Variants in GRAMD2A observed in about 807,000 individuals in gnomAD.
The protein encoded by GRAMD2A is GRAM domain containing 2A.
GRAMD2A carries 37 observed loss-of-function variants against 51.1 expected under a neutral mutation model. The ratio of observed to expected loss-of-function variants is 0.72; its 90% CI spans 0.56 to 0.95. The LOEUF (loss-of-function observed/expected upper bound fraction) is 0.95. Ranked by LOEUF, GRAMD2A falls within the 40% of genes least tolerant of loss-of-function variation. The probability of loss-of-function intolerance (pLI) is 0.00; values close to 1 mark genes in which losing one functional copy is unlikely to be tolerated. For synonymous variants in GRAMD2A, 136 were observed against 157.1 expected, an observed-to-expected ratio of 0.87 and a Z score of 1.01; for missense variants, 414 against 426.9, an observed-to-expected ratio of 0.97 and a Z score of 0.27.
At chr15:72,162,473 A>C in intron 10 of GRAMD2A, 96 bp from the exon 11 acceptor site, 1 of 832,422 alleles carries the variant, frequency 1.2e-6, no homozygotes, top group Non-Finnish European at 1.9e-6. Context: ...CTACCCCTGC[A>C]GTTGGAAGAA....
chr15:72,170,314 C>G lies in GRAMD2A; in HGVS notation c.42-375G>C. 1 of 472,596 alleles carries G rather than the reference C, an allele frequency of 2.1e-6. No individual in the cohort carries two copies. Among genetic ancestry groups the G allele is most frequent in the Non-Finnish European group, 4.2e-6 (1 of 238,232 alleles). 29.3% of individuals were successfully genotyped at this position (472,596 alleles called of 1,614,324 possible). ...GGAGGACCCTGAGACTCGCTTATGC[C>G]GAGAACAAAAGTGTCCAAAGTACCC... On this transcript the variant is annotated intron_variant, in intron 1 of 11. Transcript: ENST00000309731. This position sits in a 1 kb window ranked among gnomAD's most constrained non-coding sequence, Gnocchi z 4.5.
intron 8 of GRAMD2A, 95 bp from the exon 9 acceptor site, chr15:72,163,852 T>A: frequency 1.5e-6 from 2 of 1,303,314 alleles, no homozygotes; most frequent in Non-Finnish European, 2.1e-6. Flanking sequence ...TTTCTCCAGA[T>A]ATTACCAAAT....
chr15:72,177,769 C>T (rs1025980125), intron 1 of GRAMD2A, among the ~76,000 whole-genome samples: 3 of 152,144 alleles, frequency 2.0e-5, no homozygotes, highest in African/African-American at 4.8e-5. Flanking sequence ...ACTCTTTCAC[C>T]GAGGTTGGAG....
intron 1 of GRAMD2A, among the ~76,000 whole-genome samples, chr15:72,182,360 C>CT (rs2081702701): frequency 2.0e-5 from 2 of 99,214 alleles, no homozygotes; most frequent in African/African-American, 8.3e-5. Context: ...GTGAGACTGT[C>CT]TCAAAAAAAA....
At chr15:72,165,496 G>C (rs2081533217) in intron 7 of GRAMD2A, 86 bp from the exon 8 acceptor site, 1 of 1,336,472 alleles carries the variant, frequency 7.5e-7, no homozygotes, top group African/African-American at 1.4e-5. Flanking sequence ...CTCCAAGAGA[G>C]CTTTACCTCC....
chr15:72,195,282 A>T (rs576748316), intron 1 of GRAMD2A, among the ~76,000 whole-genome samples: 49 of 152,354 alleles, frequency 3.2e-4, no homozygotes, highest in African/African-American at 1.2e-3. Flanking sequence ...AAGCAGGCCC[A>T]GAAAGCGGAA....
chr15:72,169,677 G>A, intron 2 of GRAMD2A, 170 bp downstream of exon 2: 1 of 699,026 alleles, frequency 1.4e-6, no homozygotes, highest in Non-Finnish European at 2.6e-6. Context: ...AGTGCACTGG[G>A]ACAGTCTTGA....
chr15:72,192,777 A>C (rs908828740), intron 1 of GRAMD2A, among the ~76,000 whole-genome samples: 2 of 152,234 alleles, frequency 1.3e-5, no homozygotes, highest in African/African-American at 4.8e-5. Flanking sequence ...AAAAATTAAC[A>C]ATGTAATTAC....
rs892007428 is a variant in GRAMD2A at position 72,179,485 on chromosome 15, G to A, written c.42-9546C>T. 3.3e-5 allele frequency among the ~76,000 whole-genome samples: 5 copies of A among 152,236 alleles called. No individual in the cohort carries two copies. In the East Asian group the frequency reaches 7.7e-4, roughly 23 times the overall value. On this transcript the variant is annotated intron_variant, in intron 1 of 11. Transcript: ENST00000309731. ...GGTGCCCCCGGAGACTGGCTCTAGAGCGAGGGAAGAGGGGGCAGGAGGCAG... is the reference window on the plus strand; with the variant it reads ...GGTGCCCCCGGAGACTGGCTCTAGAACGAGGGAAGAGGGGGCAGGAGGCAG...
intron 1 of GRAMD2A, among the ~76,000 whole-genome samples, chr15:72,178,626 A>T (rs1266709062): frequency 6.1e-5 from 7 of 115,210 alleles, no homozygotes; most frequent in African/African-American, 2.4e-4. Flanking sequence ...CCCAGGCTGG[A>T]GTGCAGTGGC....
intron 8 of GRAMD2A, among the ~76,000 whole-genome samples, chr15:72,164,362 T>G (rs779023482): frequency 2.0e-5 from 3 of 151,876 alleles, no homozygotes; most frequent in Non-Finnish European, 2.9e-5. Context: ...TAAGTCTGTC[T>G]GGGTTCTTCA....
intron 1 of GRAMD2A, among the ~76,000 whole-genome samples, chr15:72,189,776 A>G (rs941184574): frequency 6.6e-6 from 1 of 152,182 alleles, no homozygotes; most frequent in Admixed American, 6.5e-5. Context: ...ATAGAATGAT[A>G]ACGGGAGGCT....
chr15:72,186,259 C>T (rs1055517581), intron 1 of GRAMD2A, among the ~76,000 whole-genome samples: 2 of 151,926 alleles, frequency 1.3e-5, no homozygotes, highest in African/African-American at 4.8e-5. Flanking sequence ...ACTGAGTTAA[C>T]CTTTCTAATA....
At chr15:72,197,253 A>G (rs2081813639) in intron 1 of GRAMD2A, among the ~76,000 whole-genome samples, 1 of 152,190 alleles carries the variant, frequency 6.6e-6, no homozygotes, top group Admixed American at 6.5e-5. Context: ...GGCCGCTACA[A>G]TACGGATTCG....
chr15:72,197,535 G>A (rs1357633877), intron 1 of GRAMD2A, among the ~76,000 whole-genome samples, 196 bp downstream of exon 1: 1 of 152,076 alleles, frequency 6.6e-6, no homozygotes, highest in Non-Finnish European at 1.5e-5. Context: ...ACACCTCGCG[G>A]GCCCCGGGAG....
chr15:72,194,980 G>A (rs2081794510), intron 1 of GRAMD2A, among the ~76,000 whole-genome samples: 1 of 152,160 alleles, frequency 6.6e-6, no homozygotes, highest in Non-Finnish European at 1.5e-5. Context: ...GAGCCGCCGC[G>A]CCCGGCTCAA....
In GRAMD2A at chr15:72,161,050, C is replaced by T. The variant is rs1342565601; in HGVS notation, c.*959G>A. On this transcript the variant is annotated 3_prime_UTR_variant, in exon 12 of 12. Coordinates refer to ENST00000309731, the MANE Select transcript of GRAMD2A (RefSeq NM_001012642.3). ...TCACACGCAACTGTCCAGACAAGCC[C>T]CCCTCAACGGGCTGCTGTTGGCCAT... The T allele has an allele frequency of 2.0e-5, 3 of 152,288 alleles. No individual in the cohort carries two copies. Among genetic ancestry groups the T allele is most frequent in the South Asian group, 2.1e-4 (1 of 4,834 alleles). The allele number at this position is 152,288 out of a possible 1,614,324, so 9.4% of individuals were successfully genotyped here. A position where few individuals can be genotyped will look rare whatever the true frequency, so the allele number is the denominator to read the frequency against.
rs2081594055 is a variant in GRAMD2A at position 72,170,082 on chromosome 15, T to C, written c.42-143A>G. On this transcript the variant is annotated intron_variant, in intron 1 of 11. Coordinates refer to ENST00000309731, the MANE Select transcript of GRAMD2A (RefSeq NM_001012642.3). The surrounding 1 kb of genome is among the most constrained non-coding windows in gnomAD (Gnocchi z 4.5). ...GAGGGTGACACTGAAAATGTCACAG[T>C]TCAGAGGCAGCAGCGCAGGCAGAGG... 1.3e-6 allele frequency: 1 copy of C among 744,390 alleles called. No homozygotes were observed. The highest frequency in any genetic ancestry group is 2.5e-6 in the Non-Finnish European group (1 of 407,014). 46.1% of individuals were successfully genotyped at this position (744,390 alleles called of 1,614,324 possible).
At chr15:72,187,833 T>C (rs1301338317) in intron 1 of GRAMD2A, among the ~76,000 whole-genome samples, 4 of 152,204 alleles carry the variant, frequency 2.6e-5, no homozygotes, top group African/African-American at 9.6e-5. Context: ...TAATATCTTT[T>C]TTTCCTAACT....
Sources: allele counts gnomAD v4.1 joint callset (sites outside exome capture counted in the v4.1 genomes callset), GRCh38; gene constraint gnomAD v4.1.1; non-coding constraint Gnocchi (gnomAD v3.1); transcripts MANE v1.5; gene names NCBI Gene and HGNC (gene_info 2026-07-23, HGNC 2026-07-21).